ZPBP: variants seen among roughly 807,000 people sequenced by gnomAD.
ZPBP encodes the protein zona pellucida-binding protein 1.
A neutral mutation model predicts 44.8 loss-of-function variants in ZPBP; 26 were observed. That is an observed-to-expected ratio of 0.58 (90% CI 0.43 to 0.81). The LOEUF is 0.81. ZPBP is among the 30% of genes least tolerant of loss of function. The pLI, the probability that ZPBP is intolerant of heterozygous loss-of-function variation, is 0.00. For missense variants in ZPBP, 409 were observed against 434.0 expected (o/e 0.94, Z 0.51); for synonymous variants, 174 against 153.2 (o/e 1.14, Z -1.00).
intron 3 of ZPBP, among the ~76,000 whole-genome samples, chr7:50,061,890 T>C (rs1010971439): frequency 1.3e-5 from 2 of 152,100 alleles, no homozygotes; most frequent in African/African-American, 4.8e-5. Flanking sequence ...TGAGATTCCA[T>C]CTCAAAAAAG....
chr7:49,892,688 T>TGCAA, intron 2 of ZPBP, among the ~76,000 whole-genome samples: 1 of 152,336 alleles, frequency 6.6e-6, no homozygotes, highest in South Asian at 2.1e-4. Flanking sequence ...AGTTAGCTTG[T>TGCAA]GCAAGCCCCA....
chr7:50,026,433 A>C lies in ZPBP; in HGVS notation c.706+4659T>G, dbSNP rs565856577. Among the ~76,000 whole-genome samples the C allele has an allele frequency of 2.0e-5, 3 of 151,958 alleles. No homozygotes were observed. In the South Asian group the frequency reaches 6.2e-4, roughly 31 times the overall value. The stretch of plus-strand genomic sequence containing the variant: ...ACTTGAACAACACTAGATCTATACA[A>C]TATACACAGGACCCTCCACCCAACA... On this transcript the variant is annotated intron_variant, in intron 5 of 7. Transcript: ENST00000046087.
At chr7:49,989,742 G>A (rs1050108035) in intron 6 of ZPBP, among the ~76,000 whole-genome samples, 11 of 152,118 alleles carry the variant, frequency 7.2e-5, no homozygotes, top group Non-Finnish European at 1.3e-4. Flanking sequence ...GGAAAAAAGG[G>A]GTATGGGTAA....
At chr7:49,846,128 A>C (rs910433457), downstream of ZPBP, among the ~76,000 whole-genome samples, 2 of 152,230 alleles carry the variant, frequency 1.3e-5, no homozygotes, top group African/African-American at 4.8e-5. Flanking sequence ...AACTATCCCA[A>C]GGATCTAAGC....
At chr7:49,937,929 C>T (rs754778361) in intron 7 of ZPBP, among the ~76,000 whole-genome samples, 32 of 152,114 alleles carry the variant, frequency 2.1e-4, no homozygotes, top group Admixed American at 4.6e-4. Flanking sequence ...CTGTAAGGAG[C>T]GTGAAACCTG....
At chr7:50,061,543 A>C (rs1801234570) in intron 3 of ZPBP, among the ~76,000 whole-genome samples, 1 of 152,164 alleles carries the variant, frequency 6.6e-6, no homozygotes, top group Non-Finnish European at 1.5e-5. Context: ...TCTACTAAAA[A>C]TACAAAAATT....
chr7:50,012,097 C>T (rs1340903128), intron 6 of ZPBP, among the ~76,000 whole-genome samples: 1 of 150,546 alleles, frequency 6.6e-6, no homozygotes, highest in Non-Finnish European at 1.5e-5. Flanking sequence ...ACACATACCA[C>T]TCAACATATC....
At chr7:49,883,661 GA>G (rs1286481331) in intron 2 of ZPBP, among the ~76,000 whole-genome samples, 3 of 152,094 alleles carry the variant, frequency 2.0e-5, no homozygotes, top group Non-Finnish European at 4.4e-5. Context: ...AAAATTGACA[GA>G]AAAAGAGGAA....
chr7:50,093,000 G>A (rs781639697), intron 1 of ZPBP, 68 bp downstream of exon 1: 2 of 1,555,418 alleles, frequency 1.3e-6, no homozygotes, highest in South Asian at 2.4e-5. Flanking sequence ...CACAAGAAAA[G>A]GCAATTCGAA....
At chr7:50,074,582 T>C (rs915353262) in intron 3 of ZPBP, among the ~76,000 whole-genome samples, 2 of 151,788 alleles carry the variant, frequency 1.3e-5, no homozygotes, top group African/African-American at 4.8e-5. Flanking sequence ...AAAAGATACT[T>C]CATGCCAATG....
chr7:49,896,090 C>T (rs1403419828), intron 2 of ZPBP, among the ~76,000 whole-genome samples: 2 of 152,054 alleles, frequency 1.3e-5, no homozygotes, highest in African/African-American at 4.8e-5. Context: ...CCTGTAATAC[C>T]AGCACTTTGG....
intron 2 of ZPBP, among the ~76,000 whole-genome samples, chr7:49,880,982 C>T (rs1383696405): frequency 6.6e-6 from 1 of 152,154 alleles, no homozygotes; most frequent in Non-Finnish European, 1.5e-5. Context: ...AGTAAGCTTT[C>T]AATCCATCCT....
Position 49,898,539 on chromosome 7 carries a change from A to G in ZPBP, n.509+2579T>C, listed in dbSNP as rs186754051. On this transcript the variant is annotated intron_variant and non_coding_transcript_variant, in intron 2 of 2. Coordinates refer to the ZPBP transcript ENST00000465922. ...TTAATTCTGCAGGCTACAAAATTCT[A>G]GAGTGGTGATTTTTTCTTACAACAC... Among the ~76,000 whole-genome samples, 27 of 152,196 alleles carry G rather than the reference A, an allele frequency of 1.8e-4. No individual in the cohort carries two copies. In the East Asian group the frequency reaches 5.2e-3, roughly 29 times the overall value.
rs1001834744 is a variant in ZPBP, at chr7:50,030,664, GATATAA to G, written c.706+422_706+427del. Among the ~76,000 whole-genome samples, 19 of 152,096 alleles carry G rather than the reference GATATAA, an allele frequency of 1.2e-4. 1 individual carries two copies. Among genetic ancestry groups the G allele is most frequent in the African/African-American group, 3.1e-4 (13 of 41,520 alleles). ...TTATAAATATAAAGATAAATATAAA[GATATAA>G]ATATAAAGTCCAATTCTTTGTTTTC... On this transcript the variant is annotated intron_variant, in intron 5 of 7. Coordinates refer to ENST00000046087, the MANE Select transcript of ZPBP (RefSeq NM_007009.3).
At chr7:49,944,820 C>A (rs964834953) in intron 7 of ZPBP, among the ~76,000 whole-genome samples, 2 of 137,454 alleles carry the variant, frequency 1.5e-5, no homozygotes, top group African/African-American at 5.5e-5. Context: ...AATAACTTTT[C>A]ATTTCATTGA....
At chr7:50,049,309 C>T (rs1465460583) in intron 4 of ZPBP, among the ~76,000 whole-genome samples, 1 of 151,956 alleles carries the variant, frequency 6.6e-6, no homozygotes. Context: ...CACCCCAGCG[C>T]ATTCTATGAA....
intron 6 of ZPBP, among the ~76,000 whole-genome samples, chr7:50,006,320 T>C (rs1798310195): frequency 6.6e-6 from 1 of 152,050 alleles, no homozygotes; most frequent in Admixed American, 6.6e-5. Context: ...AAAATACTTT[T>C]TCCTAAAGTG....
intron 4 of ZPBP, among the ~76,000 whole-genome samples, chr7:50,055,400 A>G (rs913827210): frequency 6.6e-5 from 10 of 152,162 alleles, no homozygotes. Context: ...GTAGGTCTCC[A>G]AAGTCAGTTT....
intron 3 of ZPBP, among the ~76,000 whole-genome samples, chr7:50,079,336 T>C (rs1294417767): frequency 3.3e-5 from 5 of 151,650 alleles, no homozygotes; most frequent in African/African-American, 1.2e-4. Context: ...CTGCAAAAGG[T>C]CATTGTTAAA....
Sources: allele counts gnomAD v4.1 joint callset (sites outside exome capture counted in the v4.1 genomes callset), GRCh38; gene constraint gnomAD v4.1.1; transcripts MANE v1.5; gene names NCBI Gene and HGNC (gene_info 2026-07-23, HGNC 2026-07-21).